Variants in CAGE1 observed in about 807,000 individuals in gnomAD.
CAGE1 encodes cancer antigen 1, also known as cancer-associated gene 1 protein.
In CAGE1, 66 loss-of-function variants were observed where a neutral mutation model predicts 94.9. The observed-to-expected ratio is 0.70, with a 90% CI of 0.57 to 0.85. The LOEUF (loss-of-function observed/expected upper bound fraction) is 0.85. Ranked by LOEUF, CAGE1 falls within the 40% of genes least tolerant of loss-of-function variation. The pLI, the probability that CAGE1 is intolerant of heterozygous loss-of-function variation, is 0.00. For synonymous variants in CAGE1, 319 were observed against 321.0 expected (o/e 0.99, Z 0.07); for missense variants, 865 against 950.4 (o/e 0.91, Z 1.18).
rs143339343 is a variant in CAGE1, at chr6:7,352,184, G to A, written c.2369+2857C>T. On this transcript the variant is annotated intron_variant, in intron 11 of 13. Transcript: ENST00000502583. Reference sequence around the variant, plus strand: ...AGAACTGACAAACGAATTCAGCAACGTTTCCTGATACAAGATAAATGTACA... The same window carrying A: ...AGAACTGACAAACGAATTCAGCAACATTTCCTGATACAAGATAAATGTACA... Among the ~76,000 whole-genome samples, 1,113 of 150,156 alleles carry A rather than the reference G, an allele frequency of 7.4e-3. 5 individuals are homozygous for A. The highest frequency in any genetic ancestry group is 0.017 in the Middle Eastern group (5 of 286).
Position 7,378,889 on chromosome 6 carries a change from C to T in CAGE1, c.415G>A (p.Glu139Lys). The T allele has an allele frequency of 6.2e-7, 1 of 1,610,484 alleles. No homozygotes were observed. Among genetic ancestry groups the T allele is most frequent in the Non-Finnish European group, 8.5e-7 (1 of 1,177,914 alleles). ...WVEAFDDEMT[E>K]KPEFQSQVYN... ...ACTTGACTTTGAAATTCTGGCTTCT[C>T]TGTCATTTCATCATCAAATGCTTCT... The change falls in exon 4 of 14, where the codon GAG becomes AAG. Residue 139 changes from glutamate to lysine, a missense_variant. Transcript: ENST00000502583.
chr6:7,372,100 C>T (rs556299696), intron 5 of CAGE1, among the ~76,000 whole-genome samples: 1 of 152,268 alleles, frequency 6.6e-6, no homozygotes, highest in South Asian at 2.1e-4. Flanking sequence ...TTTGTTTTGC[C>T]TTGTAAACCA....
chr6:7,339,180 C>T lies in CAGE1; in HGVS notation c.2370-5090G>A. The T allele has an allele frequency of 6.6e-7, 1 of 1,518,162 alleles. No homozygotes were observed. The highest frequency in any genetic ancestry group is 1.1e-5 in the South Asian group (1 of 89,132). 94.0% of individuals were successfully genotyped at this position (1,518,162 alleles called of 1,614,324 possible). On this transcript the variant is annotated intron_variant, in intron 11 of 13. Coordinates refer to ENST00000502583, the MANE Select transcript of CAGE1 (RefSeq NM_001170692.2). The surrounding 1 kb of genome is among the most constrained non-coding windows in gnomAD (Gnocchi z 4.7). ...CACCACGACCTCACAGCCTTTGGCC[C>T]CAGTTTCCATGATGAACCGCGACAC...
chr6:7,371,548 C>T (rs1412213739), intron 5 of CAGE1, among the ~76,000 whole-genome samples: 2 of 151,960 alleles, frequency 1.3e-5, no homozygotes, highest in African/African-American at 2.4e-5. Flanking sequence ...TTTGGGAGGC[C>T]GAGGAGGGTG....
intron 9 of CAGE1, among the ~76,000 whole-genome samples, chr6:7,358,438 T>C (rs1760056415): frequency 6.6e-6 from 1 of 152,180 alleles, no homozygotes; most frequent in South Asian, 2.1e-4. Context: ...CATTCACCTG[T>C]AGACAGACAT....
intron 11 of CAGE1, among the ~76,000 whole-genome samples, chr6:7,345,335 A>G (rs1362870371): frequency 4.7e-5 from 7 of 150,122 alleles, no homozygotes; most frequent in Non-Finnish European, 1.0e-4. Flanking sequence ...CACTAAACCC[A>G]GCAGGATGAA....
At chr6:7,371,822 A>G (rs1245704205) in intron 5 of CAGE1, among the ~76,000 whole-genome samples, 1 of 152,008 alleles carries the variant, frequency 6.6e-6, no homozygotes, top group Non-Finnish European at 1.5e-5. Flanking sequence ...CAAAAAATAA[A>G]CTTACACATT....
chr6:7,345,215 G>A (rs1759412438), intron 11 of CAGE1, among the ~76,000 whole-genome samples: 1 of 147,702 alleles, frequency 6.8e-6, no homozygotes, highest in Non-Finnish European at 1.5e-5. Flanking sequence ...TTTGAAGTTA[G>A]TATAAGCTAC....
rs1436221586 is a variant in CAGE1, at chr6:7,378,939, T to C, written c.365A>G (p.Glu122Gly). ...TISISSLRQF[E>G]TVCKFHWVEA... ...TACCCAGTGAAATTTGCAAACGGTT[T>C]CAAATTGTCTCAAGGAAGATATGCT... Residue 122 changes from glutamate to glycine, a missense_variant, in exon 4 of 14, where the codon GAA becomes GGA. Coordinates refer to ENST00000502583, the MANE Select transcript of CAGE1 (RefSeq NM_001170692.2). The C allele has an allele frequency of 6.3e-7, 1 of 1,590,568 alleles. No homozygotes were observed. Among genetic ancestry groups the C allele is most frequent in the Non-Finnish European group, 8.6e-7 (1 of 1,166,980 alleles).
At chr6:7,386,436 T>C (rs1043976291) in intron 2 of CAGE1, among the ~76,000 whole-genome samples, 1 of 152,236 alleles carries the variant, frequency 6.6e-6, no homozygotes, top group South Asian at 2.1e-4. Context: ...TGCAGGGTGC[T>C]GTCAATGTCA....
intron 3 of CAGE1, among the ~76,000 whole-genome samples, chr6:7,384,656 A>G (rs1402167888): frequency 6.6e-6 from 1 of 152,142 alleles, no homozygotes; most frequent in African/African-American, 2.4e-5. Flanking sequence ...AATCCTAAAT[A>G]GCTTTCATCT....
At position 7,344,392 on chromosome 6, in the gene CAGE1, C is replaced by T. The variant is rs536778214; in HGVS notation, c.2370-10302G>A. ...GGCTGCAGAGGGTGTACTGGGTCCC[C>T]CAGCAGTGCCAGCCCACCGGCGCTG... On this transcript the variant is annotated intron_variant, in intron 11 of 13. Coordinates refer to ENST00000502583, the MANE Select transcript of CAGE1 (RefSeq NM_001170692.2). 5.3e-5 allele frequency among the ~76,000 whole-genome samples: 8 copies of T among 152,350 alleles called. No homozygotes were observed. In the South Asian group the frequency reaches 1.7e-3, roughly 32 times the overall value.
chr6:7,326,964 C>T, intron 13 of CAGE1, 65 bp from the exon 14 acceptor site: 3 of 1,187,304 alleles, frequency 2.5e-6, no homozygotes, highest in Non-Finnish European at 3.8e-6. Context: ...TGACAGAACC[C>T]CTAAACAGCC....
At chr6:7,374,921 T>C (rs1163265262) in intron 4 of CAGE1, among the ~76,000 whole-genome samples, 3 of 151,902 alleles carry the variant, frequency 2.0e-5, no homozygotes, top group East Asian at 3.9e-4. Context: ...TCCCAGCTAC[T>C]TGGGAAGCTG....
intron 11 of CAGE1, among the ~76,000 whole-genome samples, chr6:7,343,051 T>A (rs1264078858): frequency 6.6e-6 from 1 of 151,652 alleles, no homozygotes; most frequent in Non-Finnish European, 1.5e-5. Flanking sequence ...TAGCCAGGTG[T>A]GGTGGTGGGT....
At chr6:7,374,822 G>A (rs1760679200) in intron 4 of CAGE1, among the ~76,000 whole-genome samples, 1 of 152,246 alleles carries the variant, frequency 6.6e-6, no homozygotes, top group South Asian at 2.1e-4. Context: ...CTGAGGTCAG[G>A]AGTTTGAGAC....
chr6:7,331,361 G>A (rs554058570), intron 12 of CAGE1: 3 of 1,014,746 alleles, frequency 3.0e-6, no homozygotes, highest in African/African-American at 3.3e-5. Flanking sequence ...CAAATCCCAG[G>A]ACAGCATATG....
At chr6:7,350,842 C>A (rs1344843048) in intron 11 of CAGE1, among the ~76,000 whole-genome samples, 1 of 152,038 alleles carries the variant, frequency 6.6e-6, no homozygotes, top group Non-Finnish European at 1.5e-5. Flanking sequence ...TAAGGTTACA[C>A]CTCAAGGAAG....
intron 7 of CAGE1, 122 bp downstream of exon 7, chr6:7,368,566 A>C (rs1287160077): frequency 1.8e-6 from 1 of 544,436 alleles, no homozygotes; most frequent in Admixed American, 3.7e-5. Context: ...CAGTAAAACT[A>C]ATCTGGTCCC....
Sources: allele counts gnomAD v4.1 joint callset (sites outside exome capture counted in the v4.1 genomes callset), GRCh38; gene constraint gnomAD v4.1.1; non-coding constraint Gnocchi (gnomAD v3.1); transcripts MANE v1.5; gene names NCBI Gene and HGNC (gene_info 2026-07-23, HGNC 2026-07-21).